Variants in FOXK2 observed in about 807,000 individuals in gnomAD.
FOXK2 encodes the protein forkhead box K2.
In FOXK2, 24 loss-of-function variants were observed where a neutral mutation model predicts 53.3. The observed-to-expected ratio is 0.45, with a 90% confidence interval of 0.33 to 0.63. FOXK2 has a LOEUF of 0.63. Ranked by LOEUF, FOXK2 falls within the 30% of genes least tolerant of loss-of-function variation. The pLI is 0.03. For missense variants in FOXK2, 952 were observed against 910.5 expected (o/e 1.05, Z -0.59); for synonymous variants, 505 against 407.1 (o/e 1.24, Z -2.89).
Position 82,604,261 on chromosome 17 carries a change from G to A in FOXK2, c.*2762G>A, listed in dbSNP as rs953144942. On this transcript the variant is annotated 3_prime_UTR_variant, in exon 9 of 9. Coordinates refer to ENST00000335255, the MANE Select transcript of FOXK2 (RefSeq NM_004514.4). Reference sequence around the variant, plus strand: ...GGAACTCCCGTATGACCCACGTCACGTGGTGCACTCAGAGTGTGTGCGGCA... The same window carrying A: ...GGAACTCCCGTATGACCCACGTCACATGGTGCACTCAGAGTGTGTGCGGCA... 6.6e-6 allele frequency: 1 copy of A among 151,068 alleles called. No individual in the cohort carries two copies. Among genetic ancestry groups the A allele is most frequent in the Admixed American group, 6.6e-5 (1 of 15,242 alleles). The allele number at this position is 151,068 out of a possible 1,614,324, so 9.4% of individuals were successfully genotyped here. A position where few individuals can be genotyped will look rare whatever the true frequency, so the allele number is the denominator to read the frequency against.
chr17:82,585,781 A>C (rs1001128258), intron 6 of FOXK2, 123 bp from the exon 7 acceptor site: 2 of 940,216 alleles, frequency 2.1e-6, no homozygotes, highest in African/African-American at 3.3e-5. Context: ...TGTGAGGTGA[A>C]ATAGGGCCAT....
Position 82,520,153 on chromosome 17 carries a change from G to A in FOXK2, c.265G>A (p.Gly89Ser), listed in dbSNP as rs959597916. The A allele has an allele frequency of 4.0e-6, 6 of 1,516,316 alleles. No individual in the cohort carries two copies. The highest frequency in any genetic ancestry group is 2.8e-5 in the East Asian group (1 of 36,296). The allele number at this position is 1,516,316 out of a possible 1,614,324, so 93.9% of individuals were successfully genotyped here. A position where few individuals can be genotyped will look rare whatever the true frequency, so the allele number is the denominator to read the frequency against. ...CGAGATCTTCACGCCCCCGGGCGGC[G>A]GCGGCCATGGCGGGGCCGCTCCGGA... Reference protein sequence around the residue: ...HLEIFTPPGGGGHGGAAPELP... With the variant: ...HLEIFTPPGGSGHGGAAPELP... The change falls in exon 1 of 9, where the codon GGC (glycine) becomes AGC (serine). Residue 89 changes from glycine (G) to serine (S), a missense_variant. This residue lies in a region of FOXK2 where 163 missense variants were observed against 165.5 expected (regional missense o/e 0.98). Transcript: ENST00000335255.
At chr17:82,560,218 C>A (rs915840619) in intron 1 of FOXK2, among the ~76,000 whole-genome samples, 2 of 151,888 alleles carry the variant, frequency 1.3e-5, no homozygotes, top group Non-Finnish European at 2.9e-5. Context: ...GAGTGTTAGG[C>A]AGGATGGTCT....
Position 82,542,046 on chromosome 17 carries a change from A to G in FOXK2, c.420-21308A>G, listed in dbSNP as rs575183994. ...CAGGCATGCACCACCACGCCTGGCTATGTTTGTATTTTTTGGTAGAGACAG... is the reference window on the plus strand; with the variant it reads ...CAGGCATGCACCACCACGCCTGGCTGTGTTTGTATTTTTTGGTAGAGACAG... On this transcript the variant is annotated intron_variant, in intron 1 of 8. Transcript: ENST00000335255. Among the ~76,000 whole-genome samples, 31 of 151,146 alleles carry G rather than the reference A, an allele frequency of 2.1e-4. No homozygotes were observed. The South Asian group carries it at 6.5e-3, about 32-fold the overall frequency.
At chr17:82,524,472 T>C (rs763097797) in intron 1 of FOXK2, among the ~76,000 whole-genome samples, 1 of 152,214 alleles carries the variant, frequency 6.6e-6, no homozygotes, top group Admixed American at 6.6e-5. Context: ...AGGACTATGA[T>C]CCTGTCCTTG....
intron 1 of FOXK2, among the ~76,000 whole-genome samples, chr17:82,544,262 A>G (rs913689593): frequency 1.3e-5 from 2 of 152,204 alleles, no homozygotes; most frequent in East Asian, 1.9e-4. Flanking sequence ...TGCCATGTGC[A>G]TTTATCATCT....
intron 8 of FOXK2, chr17:82,601,040 G>A (rs954310467): frequency 3.0e-5 from 13 of 432,960 alleles, no homozygotes; most frequent in East Asian, 2.5e-4. Context: ...AAAAATGTCC[G>A]CTAATCAGGC....
At chr17:82,572,176 A>C in intron 4 of FOXK2, 1 of 249,054 alleles carries the variant, frequency 4.0e-6, no homozygotes. Flanking sequence ...CCTTTGACCA[A>C]TGCAGTTCAT....
At chr17:82,533,684 GA>G (rs2044493685) in intron 1 of FOXK2, among the ~76,000 whole-genome samples, 1 of 152,062 alleles carries the variant, frequency 6.6e-6, no homozygotes, top group Non-Finnish European at 1.5e-5. Context: ...CTAGGAATAG[GA>G]ATTTTTCAGC....
intron 1 of FOXK2, among the ~76,000 whole-genome samples, chr17:82,554,724 C>T (rs560461232): frequency 1.7e-4 from 25 of 150,242 alleles, no homozygotes; most frequent in Non-Finnish European, 5.9e-5. Context: ...ACAAATCTTG[C>T]AGAATCCAGT....
intron 8 of FOXK2, chr17:82,593,545 A>G: frequency 6.6e-6 from 1 of 152,466 alleles, no homozygotes; most frequent in Non-Finnish European, 1.5e-5. Context: ...CATACCTGGG[A>G]GAGTGTGGGC....
At chr17:82,556,044 C>T (rs1404157615) in intron 1 of FOXK2, among the ~76,000 whole-genome samples, 1 of 152,018 alleles carries the variant, frequency 6.6e-6, no homozygotes, top group Non-Finnish European at 1.5e-5. Context: ...TTTAAACTGT[C>T]TATTGAAGTA....
intron 4 of FOXK2, among the ~76,000 whole-genome samples, chr17:82,581,269 G>A (rs925289223): frequency 2.6e-5 from 4 of 152,146 alleles, no homozygotes; most frequent in South Asian, 2.1e-4. Context: ...AGGTCCCAGC[G>A]GGGGCTTTCT....
chr17:82,549,549 A>C (rs779420175), intron 1 of FOXK2, among the ~76,000 whole-genome samples: 24 of 152,250 alleles, frequency 1.6e-4, no homozygotes, highest in Non-Finnish European at 3.1e-4. Context: ...TTACAGTTGC[A>C]GTGCAGCAAA....
intron 1 of FOXK2, among the ~76,000 whole-genome samples, chr17:82,538,053 G>A (rs1425523068): frequency 6.6e-6 from 1 of 151,466 alleles, no homozygotes; most frequent in African/African-American, 2.4e-5. Flanking sequence ...GTGAAACCCT[G>A]TCTCTACAAA....
intron 7 of FOXK2, 54 bp downstream of exon 7, chr17:82,586,254 CCGGGGGGGGAA>C (rs2045149088): frequency 9.2e-5 from 15 of 163,168 alleles, no homozygotes; most frequent in South Asian, 7.2e-4. Flanking sequence ...GAAAGGTGGG[CCGGGGGGGGAA>C]AGGAGGAGAG....
At chr17:82,596,135 T>G in intron 8 of FOXK2, 1 of 1,037,638 alleles carries the variant, frequency 9.6e-7, no homozygotes, top group Non-Finnish European at 1.2e-6. Context: ...CGACCGCGAT[T>G]GCAGGGAGGA....
chr17:82,569,261 C>G (rs763291138), intron 3 of FOXK2, among the ~76,000 whole-genome samples: 3 of 152,222 alleles, frequency 2.0e-5, no homozygotes, highest in Non-Finnish European at 2.9e-5. Context: ...CACAGCTGTG[C>G]ATCCCCCACC....
intron 1 of FOXK2, among the ~76,000 whole-genome samples, chr17:82,549,601 T>C (rs1242145019): frequency 1.3e-5 from 2 of 151,436 alleles, no homozygotes; most frequent in Non-Finnish European, 2.9e-5. Flanking sequence ...CTCTCCTTAT[T>C]ACAGTTGCAG....
Sources: gnomAD v4.1 joint callset for allele counts (sites outside exome capture counted in the v4.1 genomes callset) on GRCh38, gnomAD v4.1.1 for gene constraint, gnomAD v4.1.1 regional missense constraint, MANE v1.5 for transcripts, NCBI Gene and HGNC (gene_info 2026-07-23, HGNC 2026-07-21) for gene names.